STAM: variants seen among roughly 807,000 people sequenced by gnomAD.
STAM encodes signal transducing adaptor molecule.
STAM carries 16 observed loss-of-function variants against 63.4 expected under a neutral mutation model. The ratio of observed to expected loss-of-function variants is 0.25; its 90% CI spans 0.17 to 0.38. The LOEUF is 0.38. Among genes scored for constraint, STAM ranks in the 10% least tolerant of loss-of-function variants. The probability of loss-of-function intolerance (pLI) is 1.00; values close to 1 mark genes in which losing one functional copy is unlikely to be tolerated. For synonymous variants in STAM, 238 were observed against 223.9 expected (o/e 1.06, Z -0.56); for missense variants, 636 against 657.1 (o/e 0.97, Z 0.35).
intron 9 of STAM, among the ~76,000 whole-genome samples, chr10:17,702,413 A>T (rs1388274920): frequency 1.3e-5 from 2 of 152,174 alleles, no homozygotes; most frequent in African/African-American, 4.8e-5. Context: ...TTTGAATGGT[A>T]ATGGTGAGTG....
chr10:17,666,507 G>T (rs141344302), intron 2 of STAM, among the ~76,000 whole-genome samples: 2 of 142,446 alleles, frequency 1.4e-5, no homozygotes, highest in African/African-American at 5.2e-5. Flanking sequence ...CCATTCTCCC[G>T]CCTCAGCCTC....
At chr10:17,678,751 G>A (rs1371449848) in intron 2 of STAM, among the ~76,000 whole-genome samples, 14 of 151,908 alleles carry the variant, frequency 9.2e-5, no homozygotes, top group African/African-American at 3.1e-4. Flanking sequence ...ATCATCCCAC[G>A]TAGAAACTCT....
intron 13 of STAM, among the ~76,000 whole-genome samples, chr10:17,710,656 T>C (rs1315784627): frequency 1.3e-5 from 2 of 152,212 alleles, no homozygotes; most frequent in African/African-American, 4.8e-5. Context: ...AGTTGCCTTT[T>C]TACTTGTTTG....
chr10:17,678,346 C>T (rs1227840004), intron 2 of STAM, among the ~76,000 whole-genome samples: 1 of 152,008 alleles, frequency 6.6e-6, no homozygotes, highest in Non-Finnish European at 1.5e-5. Flanking sequence ...CCTGCACCTC[C>T]CAGGTTCAAG....
intron 2 of STAM, among the ~76,000 whole-genome samples, chr10:17,678,085 C>T (rs1419144139): frequency 5.3e-5 from 8 of 152,124 alleles, no homozygotes; most frequent in African/African-American, 1.4e-4. Flanking sequence ...GAACAATCAT[C>T]ATCCCAAAAA....
chr10:17,694,920 C>A, intron 6 of STAM, 129 bp from the exon 7 acceptor site: 1 of 737,448 alleles, frequency 1.4e-6, no homozygotes, highest in Non-Finnish European at 2.1e-6. Context: ...TTCAATGTAT[C>A]AGGATATGTT....
rs184238383 is a variant in STAM, at chr10:17,659,614, G to A, written c.41-850G>A. Among the ~76,000 whole-genome samples, 1,352 of 151,554 alleles carry A rather than the reference G, an allele frequency of 8.9e-3. 20 individuals carry two copies. The highest frequency in any genetic ancestry group is 0.031 in the African/African-American group (1,265 of 41,302). On this transcript the variant is annotated intron_variant, in intron 1 of 13. Transcript: ENST00000377524. ...CTTCTCGGTAGCTGGGAATACAGGT[G>A]CATGCCACCAGGCCCAGCTAATTAT...
At chr10:17,665,710 T>C (rs1002545253) in intron 2 of STAM, among the ~76,000 whole-genome samples, 2 of 151,922 alleles carry the variant, frequency 1.3e-5, no homozygotes, top group Non-Finnish European at 2.9e-5. Context: ...TAATTTTTAG[T>C]AATTATCTCA....
chr10:17,653,062 A>T (rs184834541), intron 1 of STAM, among the ~76,000 whole-genome samples: 8 of 152,248 alleles, frequency 5.3e-5, no homozygotes, highest in Admixed American at 2.6e-4. Context: ...TAATAAGATG[A>T]CTTGGTCTGG....
chr10:17,651,879 T>A (rs1833755064), intron 1 of STAM, among the ~76,000 whole-genome samples: 1 of 152,232 alleles, frequency 6.6e-6, no homozygotes, highest in African/African-American at 2.4e-5. Context: ...AGTCCTCCTG[T>A]CAGCATTTCT....
At chr10:17,703,496 T>C (rs1417547778) in intron 9 of STAM, among the ~76,000 whole-genome samples, 2 of 152,296 alleles carry the variant, frequency 1.3e-5, no homozygotes, top group East Asian at 3.9e-4. Context: ...TATAGTAGCA[T>C]AACCATGTAA....
intron 1 of STAM, among the ~76,000 whole-genome samples, chr10:17,653,807 C>T (rs1425868009): frequency 2.6e-5 from 4 of 152,182 alleles, no homozygotes; most frequent in African/African-American, 9.6e-5. Flanking sequence ...AGCATCCATA[C>T]ATTTTGGTAT....
chr10:17,656,897 C>T (rs1035786853), intron 1 of STAM, among the ~76,000 whole-genome samples: 3 of 152,154 alleles, frequency 2.0e-5, no homozygotes, highest in African/African-American at 4.8e-5. Flanking sequence ...AGAGTAAGTG[C>T]GGTTTTTAAC....
At chr10:17,704,933 G>C (rs782743052) in intron 10 of STAM, 37 bp from the exon 11 acceptor site, 3 of 1,534,758 alleles carry the variant, frequency 2.0e-6, no homozygotes, top group Non-Finnish European at 2.7e-6. Flanking sequence ...TTTTTTTCTT[G>C]TACTTTCTTA....
intron 1 of STAM, among the ~76,000 whole-genome samples, chr10:17,656,694 A>C (rs1332131843): frequency 1.3e-5 from 2 of 152,162 alleles, no homozygotes; most frequent in Non-Finnish European, 2.9e-5. Context: ...TATCTGAGTT[A>C]CTGGCAGTGA....
At chr10:17,698,500 G>T (rs10795506) in intron 8 of STAM, among the ~76,000 whole-genome samples, 1 of 151,026 alleles carries the variant, frequency 6.6e-6, no homozygotes, top group Non-Finnish European at 1.5e-5. Context: ...CACTCTGGAC[G>T]ATCTAAAAGA....
intron 2 of STAM, among the ~76,000 whole-genome samples, chr10:17,680,401 A>G (rs1233417085): frequency 6.7e-6 from 1 of 150,018 alleles, no homozygotes; most frequent in African/African-American, 2.5e-5. Context: ...CTTTCTGTCT[A>G]TGATTTTGAC....
chr10:17,666,676 C>T (rs1035019703), intron 2 of STAM, among the ~76,000 whole-genome samples: 2 of 152,166 alleles, frequency 1.3e-5, no homozygotes, highest in African/African-American at 4.8e-5. Flanking sequence ...GGATTACAGG[C>T]ATGAGCCACC....
intron 13 of STAM, among the ~76,000 whole-genome samples, chr10:17,714,268 T>C (rs1393529630): frequency 1.3e-5 from 2 of 152,022 alleles, no homozygotes; most frequent in Non-Finnish European, 2.9e-5. Context: ...TTTCTACCAC[T>C]AGAACAGACG....
Sources: gnomAD v4.1 joint callset for allele counts (sites outside exome capture counted in the v4.1 genomes callset) on GRCh38, gnomAD v4.1.1 for gene constraint, MANE v1.5 for transcripts, NCBI Gene and HGNC (gene_info 2026-07-23, HGNC 2026-07-21) for gene names.